Variants in SNTG1 observed in about 807,000 individuals in gnomAD.
The protein encoded by SNTG1 is gamma-1-syntrophin.
SNTG1 carries 39 observed loss-of-function variants against 74.7 expected under a neutral mutation model. The observed-to-expected ratio is 0.52, with a 90% confidence interval of 0.40 to 0.68. The LOEUF (loss-of-function observed/expected upper bound fraction) is 0.68, where lower values mean the gene tolerates loss of function less well. SNTG1 is among the 30% of genes least tolerant of loss of function. The pLI, the probability that SNTG1 is intolerant of heterozygous loss-of-function variation, is 0.00. For missense variants in SNTG1, 685 were observed against 609.5 expected (o/e 1.12, Z -1.30); for synonymous variants, 254 against 217.1 (o/e 1.17, Z -1.49).
intron 1 of SNTG1, among the ~76,000 whole-genome samples, chr8:49,958,530 T>C (rs1810388958): frequency 6.6e-6 from 1 of 151,888 alleles, no homozygotes; most frequent in Non-Finnish European, 1.5e-5. Flanking sequence ...CAAGCAGTTC[T>C]CTGCCTCAGC....
chr8:50,078,265 T>C (rs941456728), intron 1 of SNTG1, among the ~76,000 whole-genome samples: 8 of 152,196 alleles, frequency 5.3e-5, no homozygotes, highest in African/African-American at 1.9e-4. Context: ...CTAGTTCCTT[T>C]GCATTTACAC....
chr8:49,942,770 T>C (rs1278479387), intron 1 of SNTG1, among the ~76,000 whole-genome samples: 1 of 152,186 alleles, frequency 6.6e-6, no homozygotes, highest in Non-Finnish European at 1.5e-5. Flanking sequence ...CAGAGGTAAA[T>C]TGCCATTTCA....
intron 11 of SNTG1, 32 bp from the exon 12 acceptor site, chr8:50,553,018 G>T (rs995199782): frequency 6.2e-7 from 1 of 1,612,146 alleles, no homozygotes; most frequent in South Asian, 1.1e-5. Context: ...ATGACATGAG[G>T]TTTTGATCTG....
chr8:49,933,133 A>G (rs1402906254), intron 1 of SNTG1, among the ~76,000 whole-genome samples: 1 of 152,164 alleles, frequency 6.6e-6, no homozygotes, highest in Non-Finnish European at 1.5e-5. Flanking sequence ...TTTTGGATAT[A>G]TATCTAGCGG....
chr8:50,503,369 A>G (rs1318836161), intron 9 of SNTG1, among the ~76,000 whole-genome samples: 3 of 152,212 alleles, frequency 2.0e-5, no homozygotes, highest in African/African-American at 4.8e-5. Context: ...AATGAAATGT[A>G]TATTATCTAA....
chr8:50,161,443 G>C (rs1586539391), intron 1 of SNTG1, among the ~76,000 whole-genome samples: 1 of 152,170 alleles, frequency 6.6e-6, no homozygotes, highest in Non-Finnish European at 1.5e-5. Context: ...TTCATGGCTT[G>C]GGGCATAAGA....
rs75323656 is a variant in SNTG1 at position 50,506,487 on chromosome 8, C to T, written c.466+3607C>T. Among the ~76,000 whole-genome samples the T allele has an allele frequency of 9.5e-3, 1,438 of 152,010 alleles. 18 individuals are homozygous for T. The highest frequency in any genetic ancestry group is 0.016 in the Non-Finnish European group (1,083 of 67,882). ...CTTCCAGTGTATCAGCATGGGATGT[C>T]TTTCTATTTATTTGTTTCATCTTTA... On this transcript the variant is annotated intron_variant, in intron 9 of 18. Coordinates refer to ENST00000642720, the MANE Select transcript of SNTG1 (RefSeq NM_018967.5).
At chr8:50,071,324 A>G (rs945792819) in intron 1 of SNTG1, among the ~76,000 whole-genome samples, 15 of 152,096 alleles carry the variant, frequency 9.9e-5, no homozygotes, top group African/African-American at 3.6e-4. Flanking sequence ...TCAACCTCCT[A>G]AAGTAGCTAA....
chr8:50,386,076 T>G (rs1048486290), intron 2 of SNTG1, among the ~76,000 whole-genome samples: 4 of 152,222 alleles, frequency 2.6e-5, no homozygotes, highest in Non-Finnish European at 4.4e-5. Context: ...GGCATCCATT[T>G]GGCCTTTCCC....
At chr8:50,074,960 C>A (rs1040036721) in intron 1 of SNTG1, among the ~76,000 whole-genome samples, 2 of 152,206 alleles carry the variant, frequency 1.3e-5, no homozygotes, top group South Asian at 2.1e-4. Flanking sequence ...CTTGGAGCGG[C>A]CTGCCGGCGC....
Position 50,374,825 on chromosome 8 carries a change from G to A in SNTG1, c.-27-19387G>A, listed in dbSNP as rs114228048. On this transcript the variant is annotated intron_variant, in intron 2 of 18. Transcript: ENST00000642720. ...ATAAATAAAATTCCCTAGGCAATTT[G>A]ATCCTTTTTTTTAGATCAAATTGGA... Among the ~76,000 whole-genome samples, 1,181 of 152,204 alleles carry A rather than the reference G, an allele frequency of 7.8e-3. 16 individuals carry two copies. Among genetic ancestry groups the A allele is most frequent in the African/African-American group, 0.027 (1,136 of 41,512 alleles).
chr8:49,990,011 A>C (rs1813527923), intron 1 of SNTG1, among the ~76,000 whole-genome samples: 1 of 152,016 alleles, frequency 6.6e-6, no homozygotes, highest in Non-Finnish European at 1.5e-5. Flanking sequence ...TGTGTAAAAC[A>C]GAGTATCTTT....
chr8:50,649,581 T>C (rs186050638), intron 13 of SNTG1, among the ~76,000 whole-genome samples: 1 of 152,286 alleles, frequency 6.6e-6, no homozygotes, highest in Admixed American at 6.5e-5. Flanking sequence ...TTTATCTCTT[T>C]CTGTCCTTTT....
chr8:50,056,822 T>TG lies in SNTG1; in HGVS notation c.-102-115737dup, dbSNP rs5891343. Among the ~76,000 whole-genome samples, 1,476 of 152,292 alleles carry TG rather than the reference T, an allele frequency of 9.7e-3. 28 individuals carry two copies. Among genetic ancestry groups the TG allele is most frequent in the African/African-American group, 0.034 (1,396 of 41,574 alleles). On this transcript the variant is annotated intron_variant, in intron 1 of 18. Coordinates refer to ENST00000642720, the MANE Select transcript of SNTG1 (RefSeq NM_018967.5). ...CCCCATGGAGGCAATTGGGGATTGC[T>TG]GGAACAGCAGGACACTGGGCTGCAT...
At chr8:50,512,412 A>G (rs2094088578) in intron 9 of SNTG1, among the ~76,000 whole-genome samples, 1 of 151,956 alleles carries the variant, frequency 6.6e-6, no homozygotes, top group African/African-American at 2.4e-5. Context: ...GCTCTTCTCG[A>G]GGAGTATCTT....
intron 5 of SNTG1, among the ~76,000 whole-genome samples, chr8:50,448,191 G>A (rs1378709923): frequency 1.3e-5 from 2 of 152,066 alleles, no homozygotes; most frequent in Non-Finnish European, 2.9e-5. Flanking sequence ...AGGTTGCTGT[G>A]AAATAGTGAG....
chr8:50,018,016 A>G (rs982239116), intron 1 of SNTG1, among the ~76,000 whole-genome samples: 1 of 152,036 alleles, frequency 6.6e-6, no homozygotes, highest in Non-Finnish European at 1.5e-5. Context: ...AAGAAATTAA[A>G]TGATTTCTAA....
At chr8:50,288,114 A>G (rs1346557008) in intron 2 of SNTG1, among the ~76,000 whole-genome samples, 1 of 152,176 alleles carries the variant, frequency 6.6e-6, no homozygotes, top group Non-Finnish European at 1.5e-5. Flanking sequence ...TATTGAGAAA[A>G]ATGCCTGCTC....
At chr8:50,702,593 G>T (rs1012166484) in intron 15 of SNTG1, among the ~76,000 whole-genome samples, 7 of 152,158 alleles carry the variant, frequency 4.6e-5, no homozygotes, top group African/African-American at 1.4e-4. Flanking sequence ...TATGAGAAAT[G>T]ATTACAGATA....
Sources: gnomAD v4.1 joint callset for allele counts (sites outside exome capture counted in the v4.1 genomes callset) on GRCh38, gnomAD v4.1.1 for gene constraint, MANE v1.5 for transcripts, NCBI Gene and HGNC (gene_info 2026-07-23, HGNC 2026-07-21) for gene names.